Variants in FOXJ3 observed in about 807,000 individuals in gnomAD.
FOXJ3 encodes the protein forkhead box J3.
Under a neutral mutation model 76.1 loss-of-function variants are expected in FOXJ3, and 22 were observed. That is an observed-to-expected ratio of 0.29 (90% CI 0.21 to 0.41). The LOEUF (loss-of-function observed/expected upper bound fraction) is 0.41, where lower values mean the gene tolerates loss of function less well. Among genes scored for constraint, FOXJ3 ranks in the 10% least tolerant of loss-of-function variants. FOXJ3 has a pLI of 1.00. For missense variants in FOXJ3, 613 were observed against 762.1 expected (o/e 0.80, Z 2.30); for synonymous variants, 269 against 261.2 (o/e 1.03, Z -0.29).
intron 9 of FOXJ3, among the ~76,000 whole-genome samples, chr1:42,190,957 T>C (rs1277421025): frequency 6.6e-6 from 1 of 152,228 alleles, no homozygotes; most frequent in Non-Finnish European, 1.5e-5. Context: ...AGTATGATCT[T>C]AAGCAAATTA....
chr1:42,220,667 T>C (rs1351388117), intron 5 of FOXJ3, among the ~76,000 whole-genome samples: 1 of 152,162 alleles, frequency 6.6e-6, no homozygotes, highest in African/African-American at 2.4e-5. Flanking sequence ...AACATCCCAC[T>C]CGTTGGCCTG....
intron 1 of FOXJ3, among the ~76,000 whole-genome samples, chr1:42,317,852 A>T (rs919598747): frequency 3.4e-4 from 52 of 152,216 alleles, no homozygotes; most frequent in African/African-American, 1.2e-3. Flanking sequence ...TTTTCATCAC[A>T]TTATCTCTAT....
chr1:42,333,045 T>A (rs924092681), intron 1 of FOXJ3, among the ~76,000 whole-genome samples: 11 of 151,912 alleles, frequency 7.2e-5, no homozygotes, highest in African/African-American at 2.7e-4. Flanking sequence ...CACACATAGA[T>A]AACTCGGTAC....
chr1:42,231,068 A>G lies in FOXJ3; in HGVS notation c.445-3102T>C, dbSNP rs576749655. Among the ~76,000 whole-genome samples, 13 of 152,238 alleles carry G rather than the reference A, an allele frequency of 8.5e-5. No homozygotes were observed. In the East Asian group the frequency reaches 2.5e-3, roughly 29 times the overall value. ...CGTGGCTCACGCCTGTAATCCCAAC[A>G]CTTTGGGAGGCCAAGGCAGGCGGAT... On this transcript the variant is annotated intron_variant, in intron 4 of 12. Coordinates refer to ENST00000361346, the MANE Select transcript of FOXJ3 (RefSeq NM_014947.5).
At chr1:42,211,686 G>T (rs1212925067) in intron 5 of FOXJ3, among the ~76,000 whole-genome samples, 4 of 152,160 alleles carry the variant, frequency 2.6e-5, no homozygotes, top group Non-Finnish European at 5.9e-5. Flanking sequence ...AGCTTCAAGA[G>T]ACCTCTGCCA....
chr1:42,236,453 C>G (rs1648639194), intron 4 of FOXJ3, among the ~76,000 whole-genome samples: 1 of 152,198 alleles, frequency 6.6e-6, no homozygotes, highest in Non-Finnish European at 1.5e-5. Flanking sequence ...ACCTAGGCAT[C>G]CCAAGCACTA....
intron 2 of FOXJ3, among the ~76,000 whole-genome samples, chr1:42,298,295 A>G (rs1258013438): frequency 1.3e-5 from 2 of 152,220 alleles, no homozygotes; most frequent in Non-Finnish European, 2.9e-5. Flanking sequence ...TTATATCAGC[A>G]TGAGAACAGA....
chr1:42,199,917 T>C (rs749639636), intron 6 of FOXJ3, among the ~76,000 whole-genome samples: 7 of 144,236 alleles, frequency 4.9e-5, no homozygotes, highest in Non-Finnish European at 1.0e-4. Flanking sequence ...CAAAAAAAGG[T>C]ATTTTTGGAA....
chr1:42,240,336 C>CT (rs1649034070), intron 4 of FOXJ3, among the ~76,000 whole-genome samples: 1 of 152,038 alleles, frequency 6.6e-6, no homozygotes, highest in South Asian at 2.1e-4. Flanking sequence ...TCCCAGCTGG[C>CT]TTTTTTGCAG....
Position 42,178,098 on chromosome 1 carries a change from A to T in FOXJ3, c.*1612T>A, listed in dbSNP as rs560056002. ...CCATGCAAACTGTGATATGATATGA[A>T]ACAAAACAAACCACCACCACTAAAA... On this transcript the variant is annotated 3_prime_UTR_variant, in exon 13 of 13. Transcript: ENST00000361346. 6.5e-6 allele frequency: 1 copy of T among 152,762 alleles called. No individual in the cohort carries two copies. The highest frequency in any genetic ancestry group is 2.1e-4 in the South Asian group (1 of 4,824). 9.5% of individuals were successfully genotyped at this position (152,762 alleles called of 1,614,324 possible).
At chr1:42,263,958 T>TG (rs1491258440) in intron 4 of FOXJ3, among the ~76,000 whole-genome samples, 1 of 77,182 alleles carries the variant, frequency 1.3e-5, no homozygotes, top group African/African-American at 4.0e-5. Flanking sequence ...TTTTTTTTTT[T>TG]GAAGATTGCT....
At chr1:42,230,290 C>G (rs926272316) in intron 4 of FOXJ3, among the ~76,000 whole-genome samples, 3 of 151,954 alleles carry the variant, frequency 2.0e-5, no homozygotes, top group African/African-American at 7.3e-5. Flanking sequence ...ATATCAAAAC[C>G]ATAGTAAGAT....
At chr1:42,238,273 G>A (rs1648857933) in intron 4 of FOXJ3, among the ~76,000 whole-genome samples, 1 of 152,140 alleles carries the variant, frequency 6.6e-6, no homozygotes, top group Non-Finnish European at 1.5e-5. Flanking sequence ...GACCTCAAGT[G>A]ATCCGCCCAC....
At chr1:42,303,188 C>G (rs1234205573) in intron 2 of FOXJ3, among the ~76,000 whole-genome samples, 1 of 152,182 alleles carries the variant, frequency 6.6e-6, no homozygotes, top group Non-Finnish European at 1.5e-5. Flanking sequence ...AGCATGGGCA[C>G]TGGATAAGGA....
intron 2 of FOXJ3, among the ~76,000 whole-genome samples, chr1:42,303,310 T>C (rs376793249): frequency 6.3e-4 from 96 of 152,324 alleles, no homozygotes; most frequent in Middle Eastern, 3.4e-3. Context: ...ACTGACCTCA[T>C]AGAATTGTTG....
At chr1:42,194,802 T>C in intron 8 of FOXJ3, 88 bp downstream of exon 8, 1 of 805,304 alleles carries the variant, frequency 1.2e-6, no homozygotes. Context: ...TATTCTAAGA[T>C]TAAGAGTATA....
chr1:42,255,091 C>T (rs1158089694), intron 4 of FOXJ3, among the ~76,000 whole-genome samples: 1 of 151,760 alleles, frequency 6.6e-6, no homozygotes, highest in Non-Finnish European at 1.5e-5. Context: ...CCTTAAAAGG[C>T]AACTAACTAT....
At chr1:42,314,427 T>C (rs776231363) in intron 1 of FOXJ3, among the ~76,000 whole-genome samples, 4 of 152,160 alleles carry the variant, frequency 2.6e-5, no homozygotes, top group Non-Finnish European at 4.4e-5. Flanking sequence ...CTTTTCTGTA[T>C]TTAGTAGAGG....
In FOXJ3 at chr1:42,182,023, T is replaced by C. The variant is rs752965711; in HGVS notation, c.1647A>G (p.Gly549=). The part of the protein sequence containing the change: ...PTKPSQHIGT[G]NLYIDSRQNL... Reference sequence around the variant, plus strand: ...TTTGCCTAGAATCTATGTACAAATTTCCTAATCAGATTAAAAGCAGAAAGA... The same window carrying C: ...TTTGCCTAGAATCTATGTACAAATTCCCTAATCAGATTAAAAGCAGAAAGA... The change falls in exon 12 of 13, where the codon GGA becomes GGG. Residue 549 remains glycine (G), a splice_region_variant and synonymous_variant. Transcript: ENST00000361346. 4.4e-6 allele frequency: 7 copies of C among 1,587,012 alleles called. No individual in the cohort carries two copies. The Admixed American group carries it at 5.1e-5, about 12-fold the overall frequency.
Sources: gnomAD v4.1 joint callset for allele counts (sites outside exome capture counted in the v4.1 genomes callset) on GRCh38, gnomAD v4.1.1 for gene constraint, MANE v1.5 for transcripts, NCBI Gene and HGNC (gene_info 2026-07-23, HGNC 2026-07-21) for gene names.